PRXL2A: variants seen among roughly 807,000 people sequenced by gnomAD.
The protein encoded by PRXL2A is peroxiredoxin like 2A.
A neutral mutation model predicts 25.6 loss-of-function variants in PRXL2A; 26 were observed. That is an observed-to-expected ratio of 1.02 (90% CI 0.74 to 1.41). PRXL2A has a LOEUF of 1.41. Among genes scored for constraint, PRXL2A ranks in the 40% most tolerant of loss-of-function variants. The pLI is 0.00. For synonymous variants in PRXL2A, 98 were observed against 102.9 expected (o/e 0.95, Z 0.29); for missense variants, 246 against 273.9 (o/e 0.90, Z 0.72).
At chr10:80,419,867 C>A in intron 1 of PRXL2A, 1 of 468,072 alleles carries the variant, frequency 2.1e-6, no homozygotes, top group Non-Finnish European at 2.8e-6. Flanking sequence ...TACTGCCTGC[C>A]TATAATGAAT....
chr10:80,413,071 C>T (rs1262434777), intron 1 of PRXL2A, among the ~76,000 whole-genome samples: 1 of 152,104 alleles, frequency 6.6e-6, no homozygotes, highest in African/African-American at 2.4e-5. Context: ...GACAGAACTT[C>T]CTGAGTCGAT....
chr10:80,424,807 G>T (rs1844988996), intron 3 of PRXL2A, among the ~76,000 whole-genome samples: 1 of 152,236 alleles, frequency 6.6e-6, no homozygotes, highest in African/African-American at 2.4e-5. Flanking sequence ...GTTGCATTGA[G>T]CTGAGATTGT....
chr10:80,417,403 C>A (rs1030519949), intron 1 of PRXL2A, among the ~76,000 whole-genome samples: 2 of 152,098 alleles, frequency 1.3e-5, no homozygotes, highest in Non-Finnish European at 2.9e-5. Context: ...CAACTCCTTG[C>A]GGAAGGGGGT....
rs764794100 is a variant in PRXL2A at position 80,420,646 on chromosome 10, G to T, written c.178+1G>T. The T allele has an allele frequency of 1.0e-5, 16 of 1,597,964 alleles. No individual in the cohort carries two copies. Among genetic ancestry groups the T allele is most frequent in the African/African-American group, 1.3e-5 (1 of 74,794 alleles). On this transcript the variant is annotated splice_donor_variant, in intron 2 of 5. Coordinates refer to ENST00000606162, the MANE Select transcript of PRXL2A (RefSeq NM_032333.5). LOFTEE classifies it high-confidence loss of function. ...ATAGACCTGAAAACACTGGAGAAGGGTAAGTGGTGACCCTTCAGGTCTCAG... is the reference window on the plus strand; with the variant it reads ...ATAGACCTGAAAACACTGGAGAAGGTTAAGTGGTGACCCTTCAGGTCTCAG...
intron 2 of PRXL2A, among the ~76,000 whole-genome samples, chr10:80,421,449 C>A (rs1215875068): frequency 1.3e-5 from 2 of 152,090 alleles, no homozygotes; most frequent in East Asian, 3.9e-4. Context: ...CCATGTTAGC[C>A]CCCCAGGTGG....
Position 80,432,081 on chromosome 10 carries a change from G to A in PRXL2A, c.672G>A (p.Leu224=). ...EAAKMIKPQT[L]ASEKK The stretch of plus-strand genomic sequence containing the variant: ...CTAAGATGATCAAACCACAGACTTT[G>A]GCCTCAGAGAAAAAATGATTGTGTG... The change falls in exon 6 of 6, where the codon TTG becomes TTA. Residue 224 remains leucine, a synonymous_variant. Transcript: ENST00000606162. 6.2e-7 allele frequency: 1 copy of A among 1,605,932 alleles called. No homozygotes were observed. The highest frequency in any genetic ancestry group is 8.5e-7 in the Non-Finnish European group (1 of 1,177,288).
chr10:80,427,476 G>A lies in PRXL2A; in HGVS notation c.556G>A (p.Val186Met), dbSNP rs201956373. 4.3e-5 allele frequency: 69 copies of A among 1,614,010 alleles called. No individual in the cohort carries two copies. The highest frequency in any genetic ancestry group is 1.2e-4 in the African/African-American group (9 of 74,914). Residue 186 changes from valine (V) to methionine (M), a missense_variant, in exon 5 of 6, where the codon GTG (valine) becomes ATG (methionine). Coordinates refer to ENST00000606162, the MANE Select transcript of PRXL2A (RefSeq NM_032333.5). ...AGGCTTCATCCTTGGGGGAGTTTTCGTGGTGGGATCAGGAAAGCAGGTGAG... is the reference window on the plus strand; with the variant it reads ...AGGCTTCATCCTTGGGGGAGTTTTCATGGTGGGATCAGGAAAGCAGGTGAG... ...GEGFILGGVF[V>M]VGSGKQGILL...
At chr10:80,413,211 A>G (rs1844532745) in intron 1 of PRXL2A, among the ~76,000 whole-genome samples, 1 of 150,220 alleles carries the variant, frequency 6.7e-6, no homozygotes, top group South Asian at 2.1e-4. Flanking sequence ...GATGTGGTAC[A>G]ACCAAGACAC....
chr10:80,420,965 T>C (rs1844842183), intron 2 of PRXL2A, among the ~76,000 whole-genome samples: 2 of 152,238 alleles, frequency 1.3e-5, no homozygotes, highest in African/African-American at 4.8e-5. Flanking sequence ...AATTGCTCCA[T>C]AATATTTAGT....
At chr10:80,411,916 G>A (rs189388283) in intron 1 of PRXL2A, among the ~76,000 whole-genome samples, 1 of 152,154 alleles carries the variant, frequency 6.6e-6, no homozygotes, top group Non-Finnish European at 1.5e-5. Flanking sequence ...ATATGATGCT[G>A]TCTCTACTTG....
At chr10:80,416,769 G>C (rs1844673990) in intron 1 of PRXL2A, among the ~76,000 whole-genome samples, 1 of 152,166 alleles carries the variant, frequency 6.6e-6, no homozygotes, top group Non-Finnish European at 1.5e-5. Context: ...AAACTTTAAC[G>C]TGCTTATGAA....
At chr10:80,428,653 G>A (rs1435621261) in intron 5 of PRXL2A, among the ~76,000 whole-genome samples, 2 of 152,082 alleles carry the variant, frequency 1.3e-5, no homozygotes, top group Middle Eastern at 3.4e-3. Flanking sequence ...TAGGGGACAG[G>A]GCAAGATTCC....
Position 80,422,399 on chromosome 10 carries a change from CT to C in PRXL2A, c.179-11del. On this transcript the variant is annotated splice_polypyrimidine_tract_variant and intron_variant, in intron 2 of 5. Transcript: ENST00000606162. ...TGGGCTGGGAGGAGATATCGAATTTCTTTTTTTCCTCTCTTAGAACCAAGGA... is the reference window on the plus strand; with the variant it reads ...TGGGCTGGGAGGAGATATCGAATTTCTTTTTTCCTCTCTTAGAACCAAGGA... 6.2e-7 allele frequency: 1 copy of C among 1,603,894 alleles called. No individual in the cohort carries two copies. Among genetic ancestry groups the C allele is most frequent in the Non-Finnish European group, 8.5e-7 (1 of 1,170,960 alleles).
intron 1 of PRXL2A, among the ~76,000 whole-genome samples, chr10:80,410,864 G>A (rs1254465265): frequency 1.3e-5 from 2 of 152,188 alleles, no homozygotes; most frequent in Admixed American, 1.3e-4. Context: ...TTGAGGGGTG[G>A]GGGGCCCTAC....
intron 1 of PRXL2A, among the ~76,000 whole-genome samples, chr10:80,414,221 G>A (rs1186730727): frequency 2.6e-5 from 4 of 152,218 alleles, no homozygotes; most frequent in African/African-American, 9.7e-5. Flanking sequence ...TGCCACAGCT[G>A]TTGTTTGTTT....
At chr10:80,411,777 C>CT (rs1365634654) in intron 1 of PRXL2A, among the ~76,000 whole-genome samples, 5 of 152,158 alleles carry the variant, frequency 3.3e-5, no homozygotes, top group Non-Finnish European at 7.3e-5. Flanking sequence ...CATGTGCACT[C>CT]TTAGTTTTTT....
At chr10:80,420,253 C>G in intron 1 of PRXL2A, 3 of 1,250,806 alleles carry the variant, frequency 2.4e-6, no homozygotes, top group Non-Finnish European at 3.0e-6. Flanking sequence ...GTGAGCTCCA[C>G]GGTGCAGGAA....
At chr10:80,417,163 A>G (rs191127703) in intron 1 of PRXL2A, among the ~76,000 whole-genome samples, 3 of 152,408 alleles carry the variant, frequency 2.0e-5, no homozygotes, top group Non-Finnish European at 4.4e-5. Flanking sequence ...ATGGTTACAG[A>G]GAGATAAACA....
chr10:80,424,069 G>C (rs1281531349), intron 3 of PRXL2A, among the ~76,000 whole-genome samples: 4 of 152,168 alleles, frequency 2.6e-5, no homozygotes, highest in Admixed American at 2.6e-4. Context: ...AAGAGCAACA[G>C]CTCTCCCTAA....
Sources: allele counts gnomAD v4.1 joint callset (sites outside exome capture counted in the v4.1 genomes callset), GRCh38; gene constraint gnomAD v4.1.1; transcripts MANE v1.5; gene names NCBI Gene and HGNC (gene_info 2026-07-23, HGNC 2026-07-21).